GLIS3: variants seen among roughly 807,000 people sequenced by gnomAD.
GLIS3 encodes GLIS family zinc finger 3.
GLIS3 carries 53 observed loss-of-function variants against 78.6 expected under a neutral mutation model. That is an observed-to-expected ratio of 0.67 (90% confidence interval 0.54 to 0.85). The LOEUF (loss-of-function observed/expected upper bound fraction) is 0.85. GLIS3 is among the 40% of genes least tolerant of loss of function. The pLI is 0.00. For missense variants in GLIS3, 1,703 were observed against 1,231.1 expected (o/e 1.38, Z -5.74); for synonymous variants, 684 against 509.9 (o/e 1.34, Z -4.60).
chr9:4,383,119 CTT>C, the GLIS3 span, among the ~76,000 whole-genome samples: 4 of 152,226 alleles, frequency 2.6e-5, no homozygotes, highest in African/African-American at 7.2e-5. Context: ...GGCTGCCAGA[CTT>C]AATGTGAGAA....
chr9:4,128,923 C>T (rs79091482), intron 2 of GLIS3, among the ~76,000 whole-genome samples: 5,651 of 152,266 alleles, frequency 0.037, 348 homozygotes, highest in African/African-American at 0.13. Context: ...GGCCAAGAAG[C>T]GATCACTGGT....
chr9:4,075,853 A>T (rs1292437034), intron 4 of GLIS3, among the ~76,000 whole-genome samples: 1 of 152,228 alleles, frequency 6.6e-6, no homozygotes, highest in Admixed American at 6.5e-5. Context: ...AGTGAGAAAC[A>T]AAAGTGTACA....
chr9:4,023,197 G>T (rs1335882812), intron 4 of GLIS3, among the ~76,000 whole-genome samples: 1 of 152,110 alleles, frequency 6.6e-6, no homozygotes, highest in South Asian at 2.1e-4. Flanking sequence ...TCCTTACCCA[G>T]TGCTACACAT....
chr9:4,487,876 G>C, the GLIS3 span, among the ~76,000 whole-genome samples: 3 of 151,918 alleles, frequency 2.0e-5, no homozygotes, highest in African/African-American at 4.8e-5. Context: ...AAGTTTTGTA[G>C]AATCAAGATT....
chr9:4,287,626 C>T (rs1260571903), intron 1 of GLIS3, among the ~76,000 whole-genome samples: 2 of 152,200 alleles, frequency 1.3e-5, no homozygotes, highest in East Asian at 1.9e-4. Context: ...GAGTACAAAG[C>T]AGGAGTGACC....
intron 2 of GLIS3, among the ~76,000 whole-genome samples, chr9:4,142,506 A>C (rs2791756): frequency 0.41 from 62,330 of 151,932 alleles, 13,177 homozygotes; most frequent in South Asian, 0.5. Flanking sequence ...ATCAAATTAT[A>C]AACTCTGCCA....
chr9:4,404,588 A>G, the GLIS3 span, among the ~76,000 whole-genome samples: 1 of 152,238 alleles, frequency 6.6e-6, no homozygotes. Flanking sequence ...ATATAAACAC[A>G]TGATAATTAA....
At chr9:4,025,515 G>C (rs555127437) in intron 4 of GLIS3, among the ~76,000 whole-genome samples, 2 of 152,042 alleles carry the variant, frequency 1.3e-5, no homozygotes, top group Non-Finnish European at 2.9e-5. Context: ...AGCCTCCCGA[G>C]TAGCTGGGAT....
At chr9:4,017,310 G>A (rs1822520039) in intron 4 of GLIS3, among the ~76,000 whole-genome samples, 1 of 152,166 alleles carries the variant, frequency 6.6e-6, no homozygotes. Flanking sequence ...ATACTCTGCA[G>A]CAGGAATAGC....
At position 3,965,130 on chromosome 9, in the gene GLIS3, G is replaced by A. The variant is rs527395579; in HGVS notation, c.1711-27941C>T. ...TTCTATGGTGCTTAAATGCACACAG[G>A]AGGCTGTCAAACAATAGGAGTTTCC... On this transcript the variant is annotated intron_variant, in intron 4 of 10. Transcript: ENST00000381971. Among the ~76,000 whole-genome samples the A allele has an allele frequency of 3.3e-5, 5 of 151,808 alleles. No individual in the cohort carries two copies. In the South Asian group the frequency reaches 1.0e-3, roughly 32 times the overall value.
chr9:4,272,235 T>G (rs573130661), intron 2 of GLIS3, among the ~76,000 whole-genome samples: 3 of 152,208 alleles, frequency 2.0e-5, no homozygotes, highest in Non-Finnish European at 4.4e-5. Flanking sequence ...TGCAACAATT[T>G]AGTTGGCAGT....
chr9:4,196,570 T>C (rs1818870982), intron 2 of GLIS3, among the ~76,000 whole-genome samples: 1 of 151,984 alleles, frequency 6.6e-6, no homozygotes, highest in Non-Finnish European at 1.5e-5. Context: ...AATGAACAAC[T>C]CCAGACGCGC....
chr9:3,976,048 G>A (rs1007984299), intron 4 of GLIS3, among the ~76,000 whole-genome samples: 12 of 152,090 alleles, frequency 7.9e-5, no homozygotes, highest in African/African-American at 1.7e-4. Context: ...TGTAAAGGTC[G>A]CACTGCTCAC....
At chr9:3,968,718 T>A (rs1030141859) in intron 4 of GLIS3, among the ~76,000 whole-genome samples, 2 of 152,180 alleles carry the variant, frequency 1.3e-5, no homozygotes, top group Non-Finnish European at 1.5e-5. Flanking sequence ...ATTCAGTTAA[T>A]TGTTATAAAT....
At chr9:3,956,549 G>C (rs1023111721) in intron 4 of GLIS3, among the ~76,000 whole-genome samples, 1 of 152,202 alleles carries the variant, frequency 6.6e-6, no homozygotes, top group Non-Finnish European at 1.5e-5. Flanking sequence ...CTGATTCTCA[G>C]CCCATTCTTA....
At chr9:4,090,603 T>C (rs569519271) in intron 4 of GLIS3, among the ~76,000 whole-genome samples, 1 of 152,240 alleles carries the variant, frequency 6.6e-6, no homozygotes, top group East Asian at 1.9e-4. Flanking sequence ...CTGGAAACGC[T>C]CAGGGTGGCA....
intron 1 of GLIS3, among the ~76,000 whole-genome samples, chr9:4,295,165 C>T (rs1170461486): frequency 6.6e-6 from 1 of 152,132 alleles, no homozygotes; most frequent in Non-Finnish European, 1.5e-5. Flanking sequence ...CAGTTCAATA[C>T]TGAAACCAGG....
chr9:3,993,580 C>G (rs1477322759), intron 4 of GLIS3, among the ~76,000 whole-genome samples: 1 of 152,138 alleles, frequency 6.6e-6, no homozygotes, highest in East Asian at 1.9e-4. Context: ...TTTCCAGGGA[C>G]AAGTAAGGAA....
chr9:4,049,960 G>C (rs552065652), intron 4 of GLIS3, among the ~76,000 whole-genome samples: 4 of 152,220 alleles, frequency 2.6e-5, no homozygotes, highest in African/African-American at 7.2e-5. Context: ...AGGTGCTGGA[G>C]AGGATGTGGA....
Sources: allele counts gnomAD v4.1 joint callset (sites outside exome capture counted in the v4.1 genomes callset), GRCh38; gene constraint gnomAD v4.1.1; transcripts MANE v1.5; gene names NCBI Gene and HGNC (gene_info 2026-07-23, HGNC 2026-07-21).